CYP17A1: variants seen among roughly 807,000 people sequenced by gnomAD.
CYP17A1 encodes the protein steroid 17-alpha-hydroxylase/17,20 lyase.
Under a neutral mutation model 38.5 loss-of-function variants are expected in CYP17A1, and 27 were observed. The observed-to-expected ratio is 0.70, with a 90% CI of 0.52 to 0.97. CYP17A1 has a LOEUF of 0.97. Ranked by LOEUF, CYP17A1 falls within the 50% of genes least tolerant of loss-of-function variation. The pLI is 0.00. For missense variants in CYP17A1, 549 were observed against 645.9 expected, an observed-to-expected ratio of 0.85 and a Z score of 1.63; for synonymous variants, 263 against 253.3, an observed-to-expected ratio of 1.04 and a Z score of -0.36.
In CYP17A1 at chr10:102,830,733, C is replaced by A; in HGVS notation, c.1496G>T (p.Trp499Leu). The A allele has an allele frequency of 6.2e-7, 1 of 1,603,650 alleles. No individual in the cohort carries two copies. Among genetic ancestry groups the A allele is most frequent in the Non-Finnish European group, 8.5e-7 (1 of 1,172,742 alleles). Residue 499 changes from tryptophan (W) to leucine (L), a missense_variant, in exon 8 of 8, where the codon TGG becomes TTG. Physicochemically the swap from Trp to Leu is moderately conservative, Grantham distance 61. Around this residue, in one of 3 missense-constraint regions of CYP17A1, gnomAD observed 257 missense variants for 307.9 expected, o/e 0.83. Coordinates refer to ENST00000369887, the MANE Select transcript of CYP17A1 (RefSeq NM_000102.4). This position sits in a 1 kb window ranked among gnomAD's most constrained non-coding sequence, Gnocchi z 4.1. ...FKVKIKVRQA[W>L]REAQAEGST ...GCTACCCTCAGCCTGGGCTTCCCTC[C>A]AGGCCTGGCGCACCTTGATCTTCAC...
chr10:102,830,665 G>A lies in CYP17A1; in HGVS notation c.*37C>T, dbSNP rs1273047242. 8.0e-7 allele frequency: 1 copy of A among 1,249,702 alleles called. No homozygotes were observed. 77.4% of individuals were successfully genotyped at this position (1,249,702 alleles called of 1,614,324 possible). On this transcript the variant is annotated 3_prime_UTR_variant, in exon 8 of 8. Coordinates refer to ENST00000369887, the MANE Select transcript of CYP17A1 (RefSeq NM_000102.4). This position sits in a 1 kb window ranked among gnomAD's most constrained non-coding sequence, Gnocchi z 4.1. The stretch of plus-strand genomic sequence containing the variant: ...TGTATCTCTAAATCTGTGTTGTGGG[G>A]CCACATAGGGTGGACAGGGGCTGTG...
chr10:102,833,601 C>T, intron 4 of CYP17A1: 2 of 293,574 alleles, frequency 6.8e-6, no homozygotes, highest in Non-Finnish European at 1.3e-5. Flanking sequence ...GGATTATAGG[C>T]ATGCGCCACC....
chr10:102,832,478 T>C (rs771241197), intron 6 of CYP17A1, 33 bp downstream of exon 6: 1 of 1,475,492 alleles, frequency 6.8e-7, no homozygotes, highest in South Asian at 1.1e-5. Context: ...GAATGCATCA[T>C]GGGGCTAGAT....
At position 102,835,114 on chromosome 10, in the gene CYP17A1, T is replaced by C. The variant is rs577311150; in HGVS notation, c.437-100A>G. The C allele has an allele frequency of 2.6e-5, 28 of 1,079,396 alleles. No individual in the cohort carries two copies. The South Asian group carries it at 3.3e-4, about 13-fold the overall frequency. 66.9% of individuals were successfully genotyped at this position (1,079,396 alleles called of 1,614,324 possible). ...ACAGGAGCGGGGGACAGATAGCAGA[T>C]GGCCACTAGATGGCAGCAGTAGCCA... On this transcript the variant is annotated intron_variant, in intron 2 of 7. Coordinates refer to ENST00000369887, the MANE Select transcript of CYP17A1 (RefSeq NM_000102.4).
In CYP17A1 at chr10:102,834,920, A is replaced by G; in HGVS notation, c.531T>C (p.Asn177=). The G allele has an allele frequency of 1.9e-6, 3 of 1,613,830 alleles. No individual in the cohort carries two copies. Among genetic ancestry groups the G allele is most frequent in the Non-Finnish European group, 2.5e-6 (3 of 1,179,780 alleles). ...ISFPVFVAVT[N]VISLICFNTS... ...TATTGAAGCAGATCAAGGAGATGACATTGGTTACCGCCACGAAGACAGGAA... is the reference window on the plus strand; with the variant it reads ...TATTGAAGCAGATCAAGGAGATGACGTTGGTTACCGCCACGAAGACAGGAA... The change falls in exon 3 of 8, where the codon AAT becomes AAC. Residue 177 remains asparagine (N), a synonymous_variant. Transcript: ENST00000369887.
Position 102,830,651 on chromosome 10 carries a change from A to G in CYP17A1, c.*51T>C. 1 of 1,048,922 alleles carries G rather than the reference A, an allele frequency of 9.5e-7. No individual in the cohort carries two copies. Among genetic ancestry groups the G allele is most frequent in the Non-Finnish European group, 1.5e-6 (1 of 680,640 alleles). The allele number at this position is 1,048,922 out of a possible 1,614,324, so 65.0% of individuals were successfully genotyped here. The stretch of plus-strand genomic sequence containing the variant: ...GAAGGGTGGGGGGTTGTATCTCTAA[A>G]TCTGTGTTGTGGGGCCACATAGGGT... On this transcript the variant is annotated 3_prime_UTR_variant, in exon 8 of 8. Transcript: ENST00000369887. This position sits in a 1 kb window ranked among gnomAD's most constrained non-coding sequence, Gnocchi z 4.1.
chr10:102,833,248 G>A, intron 4 of CYP17A1, 40 bp from the exon 5 acceptor site: 1 of 1,613,604 alleles, frequency 6.2e-7, no homozygotes, highest in South Asian at 1.1e-5. Context: ...TAAGGAAGGA[G>A]CCCCATCTGT....
intron 4 of CYP17A1, 46 bp downstream of exon 4, chr10:102,833,990 G>C (rs368572644): frequency 1.0e-5 from 9 of 868,842 alleles, no homozygotes; most frequent in East Asian, 4.8e-5. Flanking sequence ...CTGCTCTTGT[G>C]ATTACTTTTA....
intron 4 of CYP17A1, chr10:102,833,644 C>G (rs1844121474): frequency 3.5e-6 from 1 of 282,546 alleles, no homozygotes; most frequent in Non-Finnish European, 6.8e-6. Context: ...TTAGTAGAGA[C>G]AGAGTTTCTC....
chr10:102,831,251 G>T (rs550435356), intron 7 of CYP17A1, among the ~76,000 whole-genome samples: 1 of 152,374 alleles, frequency 6.6e-6, no homozygotes, highest in East Asian at 1.9e-4. Flanking sequence ...GGGGAGAAGG[G>T]ACAGACTTAA....
At position 102,835,367 on chromosome 10, in the gene CYP17A1, T is replaced by A. The variant is rs760801519; in HGVS notation, c.323A>T (p.Asn108Ile). ...GTCAGCGAAGGCGATACCCTTACGG[T>A]TGTTGGACGCGATGTCTAGAGTTGC... The part of the protein sequence containing the change: ...QMATLDIASN[N>I]RKGIAFADSG... The change falls in exon 2 of 8, where the codon AAC becomes ATC. Residue 108 changes from asparagine (N) to isoleucine (I), a missense_variant. Asn to Ile is a moderately radical substitution (Grantham distance 149). This residue lies in a region of CYP17A1 where 289 missense variants were observed against 320.9 expected (regional missense o/e 0.90). Transcript: ENST00000369887. 6.2e-7 allele frequency: 1 copy of A among 1,613,102 alleles called. No individual in the cohort carries two copies. Among genetic ancestry groups the A allele is most frequent in the Admixed American group, 1.7e-5 (1 of 60,020 alleles).
chr10:102,834,862 C>T lies in CYP17A1; in HGVS notation c.589G>A (p.Val197Ile), dbSNP rs372323467. ...ATGCCTTCATTGTAATTCTGTATGA[C>T]ATTCAACTCAGGGTCCCCATTCTTG... ...SYKNGDPELN[V>I]IQNYNEGIID... The change falls in exon 3 of 8, where the codon GTC becomes ATC. Residue 197 changes from valine to isoleucine, a missense_variant. Coordinates refer to ENST00000369887, the MANE Select transcript of CYP17A1 (RefSeq NM_000102.4). The T allele has an allele frequency of 2.2e-5, 35 of 1,613,998 alleles. No individual in the cohort carries two copies. In the African/African-American group the frequency reaches 3.5e-4, roughly 16 times the overall value.
intron 7 of CYP17A1, 37 bp downstream of exon 7, chr10:102,831,471 G>A (rs751457207): frequency 3.7e-6 from 6 of 1,611,750 alleles, no homozygotes; most frequent in East Asian, 2.2e-5. Context: ...GTCCAGGCTC[G>A]CTGTGTGGCC....
chr10:102,833,757 AG>A (rs1245159799), intron 4 of CYP17A1: 1 of 351,534 alleles, frequency 2.8e-6, no homozygotes. Flanking sequence ...TGCCTGGCCT[AG>A]TTTTTGTATT....
chr10:102,830,947 G>T lies in CYP17A1; in HGVS notation c.1282C>A (p.Pro428Thr), dbSNP rs769919856. 1 of 1,578,300 alleles carries T rather than the reference G, an allele frequency of 6.3e-7. No homozygotes were observed. Among genetic ancestry groups the T allele is most frequent in the Non-Finnish European group, 8.6e-7 (1 of 1,159,468 alleles). Residue 428 changes from proline to threonine, a missense_variant, in exon 8 of 8, where the codon CCG (proline) becomes ACG (threonine). By Grantham distance (38) the Pro-to-Thr change is conservative. Transcript: ENST00000369887. This position sits in a 1 kb window ranked among gnomAD's most constrained non-coding sequence, Gnocchi z 4.1. ...LNPAGTQLISPSVSYLPFGAG... is the reference protein window; with the variant it reads ...LNPAGTQLISTSVSYLPFGAG... ...CCGAAGGGCAAATAGCTTACTGACG[G>T]TGAGATGAGCTGGGTCCCCGCTGGA...
At chr10:102,831,766 C>A in intron 6 of CYP17A1, 155 bp from the exon 7 acceptor site, 5 of 1,386,452 alleles carry the variant, frequency 3.6e-6, no homozygotes, top group Non-Finnish European at 4.9e-6. Context: ...CCAGATCAAA[C>A]CTAAATCCAG....
At chr10:102,831,861 G>T (rs1844094669) in intron 6 of CYP17A1, among the ~76,000 whole-genome samples, 1 of 152,122 alleles carries the variant, frequency 6.6e-6, no homozygotes, top group African/African-American at 2.4e-5. Flanking sequence ...GTGTATGTGG[G>T]TGTGCGTTTG....
intron 5 of CYP17A1, 35 bp from the exon 6 acceptor site, chr10:102,832,715 G>C (rs1844106986): frequency 7.0e-7 from 1 of 1,437,766 alleles, no homozygotes; most frequent in Non-Finnish European, 9.8e-7. Context: ...TGACTAGTGT[G>C]TGTAAGCCCA....
At chr10:102,832,926 T>C (rs1844110846) in intron 5 of CYP17A1, 67 bp downstream of exon 5, 3 of 1,591,058 alleles carry the variant, frequency 1.9e-6, no homozygotes, top group African/African-American at 2.7e-5. Context: ...GAGAATTGGC[T>C]CTCCCTTTCT....
Sources: allele counts gnomAD v4.1 joint callset (sites outside exome capture counted in the v4.1 genomes callset), GRCh38; gene constraint gnomAD v4.1.1; regional missense constraint gnomAD v4.1.1; non-coding constraint Gnocchi (gnomAD v3.1); transcripts MANE v1.5; gene names NCBI Gene and HGNC (gene_info 2026-07-23, HGNC 2026-07-21).